The following DLG4 variants were observed in gnomAD, a reference collection of about 807,000 sequenced individuals.
DLG4 encodes the protein discs large MAGUK scaffold protein 4.
Under a neutral mutation model 93.8 loss-of-function variants are expected in DLG4, and 7 were observed. The observed-to-expected ratio is 0.07, with a 90% confidence interval of 0.04 to 0.14. The LOEUF (loss-of-function observed/expected upper bound fraction) is 0.14, where lower values mean the gene tolerates loss of function less well. DLG4 is among the 10% of genes least tolerant of loss of function. DLG4 has a pLI of 1.00. For missense variants in DLG4, 545 were observed against 992.9 expected (o/e 0.55, Z 6.06); for synonymous variants, 341 against 387.6 (o/e 0.88, Z 1.41).
intron 1 of DLG4, among the ~76,000 whole-genome samples, chr17:7,212,168 C>T (rs917653733): frequency 1.4e-5 from 2 of 141,276 alleles, no homozygotes; most frequent in African/African-American, 2.6e-5. Context: ...TCACAAGAAC[C>T]CCCAAGGGAT....
intron 1 of DLG4, among the ~76,000 whole-genome samples, chr17:7,216,478 C>A (rs79565147): frequency 0.017 from 2,604 of 152,302 alleles, 81 homozygotes; most frequent in African/African-American, 0.059. Flanking sequence ...CTCAGGTGAT[C>A]CCATGCCAGG....
chr17:7,187,308 G>GGGC lies in DLG4; in HGVS notation c.*3399_*3400insGCC, dbSNP rs1555599123. 1.3e-5 allele frequency among the ~76,000 whole-genome samples: 1 copy of GGGC among 75,018 alleles called. No individual in the cohort carries two copies. Among genetic ancestry groups the GGGC allele is most frequent in the Non-Finnish European group, 2.6e-5 (1 of 38,904 alleles). The allele number at this position is 75,018 out of a possible 152,430, so 49.2% of individuals were successfully genotyped here. The stretch of plus-strand genomic sequence containing the variant: ...TAATCCTAGCACTTTGGGAGGCCGA[G>GGGC]GGGGGGGGGGGTGGATCACCCGAGG... On this transcript the variant is annotated 3_prime_UTR_variant, in exon 20 of 20. Coordinates refer to ENST00000399506, the MANE Select transcript of DLG4 (RefSeq NM_001321075.3).
upstream of DLG4, chr17:7,219,320 C>T: frequency 1.1e-6 from 1 of 880,914 alleles, no homozygotes; most frequent in Non-Finnish European, 1.4e-6. Context: ...CTGGAAGGAA[C>T]AGAGGGCAAA....
intron 1 of DLG4, among the ~76,000 whole-genome samples, chr17:7,211,101 G>A (rs530554572): frequency 2.0e-5 from 3 of 147,332 alleles, no homozygotes; most frequent in African/African-American, 5.1e-5. Flanking sequence ...GTACATGTAG[G>A]GGGGCGGGGA....
intron 2 of DLG4, among the ~76,000 whole-genome samples, chr17:7,206,961 T>C (rs1439798330): frequency 6.6e-6 from 1 of 151,776 alleles, no homozygotes; most frequent in East Asian, 1.9e-4. Context: ...CCATCCTGTG[T>C]CCCCAGAAGA....
rs1161015122 is a variant in DLG4 at position 7,188,154 on chromosome 17, GCAGAC to G, written c.*2549_*2553del. 6.6e-6 allele frequency among the ~76,000 whole-genome samples: 1 copy of G among 151,818 alleles called. No homozygotes were observed. The highest frequency in any genetic ancestry group is 1.5e-5 in the Non-Finnish European group (1 of 67,992). ...AATCACCCGGGAGCTTTCCAGAAAT[GCAGAC>G]CCCTGGTCCCTATCCCCAGGATCCT... On this transcript the variant is annotated 3_prime_UTR_variant, in exon 20 of 20. Transcript: ENST00000399506.
chr17:7,199,595 G>A (rs1048554833), intron 8 of DLG4, among the ~76,000 whole-genome samples: 12 of 152,140 alleles, frequency 7.9e-5, no homozygotes, highest in African/African-American at 2.9e-4. Flanking sequence ...TGGATCCTGT[G>A]TCTTTGCTGA....
Position 7,193,209 on chromosome 17 carries a change from G to C in DLG4, c.1694-92C>G. ...TTCAATCAAATCCCCATAGTGCCCA[G>C]CTGGTCCTTTGGTGAAAGGGAGCTG... is the stretch of plus-strand genomic sequence containing the variant. On this transcript the variant is annotated intron_variant, in intron 16 of 19. Transcript: ENST00000399506. The surrounding 1 kb of genome is among the most constrained non-coding windows in gnomAD (Gnocchi z 6.7). 6.5e-7 allele frequency: 1 copy of C among 1,540,332 alleles called. No individual in the cohort carries two copies.
upstream of DLG4, chr17:7,219,866 C>T: frequency 6.5e-7 from 1 of 1,539,380 alleles, no homozygotes; most frequent in Non-Finnish European, 8.7e-7. Flanking sequence ...GGCCCGCAAC[C>T]GTCCGCCGCC....
chr17:7,197,183 G>T, intron 8 of DLG4, 131 bp from the exon 9 acceptor site: 1 of 844,876 alleles, frequency 1.2e-6, no homozygotes, highest in South Asian at 1.8e-5. Flanking sequence ...TGCCAGGGTG[G>T]GGTGGTAAGG....
chr17:7,199,351 C>T (rs1597460437), intron 8 of DLG4, among the ~76,000 whole-genome samples: 2 of 151,964 alleles, frequency 1.3e-5, no homozygotes, highest in African/African-American at 2.4e-5. Context: ...AGGCACCCAC[C>T]ACCACGCCTG....
At chr17:7,215,626 G>A (rs1008034786) in intron 1 of DLG4, among the ~76,000 whole-genome samples, 9 of 152,134 alleles carry the variant, frequency 5.9e-5, no homozygotes, top group Admixed American at 3.9e-4. Flanking sequence ...GAGAAAGCCC[G>A]AAACCCACAG....
In DLG4 at chr17:7,191,394, A is replaced by T; in HGVS notation, c.1977-36T>A. 1.3e-6 allele frequency: 2 copies of T among 1,528,714 alleles called. No homozygotes were observed. Among genetic ancestry groups the T allele is most frequent in the Non-Finnish European group, 1.8e-6 (2 of 1,103,224 alleles). The allele number at this position is 1,528,714 out of a possible 1,614,324, so 94.7% of individuals were successfully genotyped here. A position where few individuals can be genotyped will look rare whatever the true frequency, so the allele number is the denominator to read the frequency against. On this transcript the variant is annotated intron_variant, in intron 18 of 19. Coordinates refer to ENST00000399506, the MANE Select transcript of DLG4 (RefSeq NM_001321075.3). The surrounding 1 kb of genome is among the most constrained non-coding windows in gnomAD (Gnocchi z 6.6). ...GGAGGGAGAGCAGGCCTGAGACTGG[A>T]CCCACCTGACCCTGCCTTTTATCTC...
rs2070573333 is a variant in DLG4, at chr17:7,208,318, T to C, written c.31-79A>G. On this transcript the variant is annotated intron_variant, in intron 1 of 19. Coordinates refer to ENST00000399506, the MANE Select transcript of DLG4 (RefSeq NM_001321075.3). This position sits in a 1 kb window ranked among gnomAD's most constrained non-coding sequence, Gnocchi z 5.4. ...GGCTGGCCGCCCTGGCCGCCGCCTCTTCCCCCAGCCAGTGCAGTGCGGAAG... is the reference window on the plus strand; with the variant it reads ...GGCTGGCCGCCCTGGCCGCCGCCTCCTCCCCCAGCCAGTGCAGTGCGGAAG... 1.6e-6 allele frequency: 2 copies of C among 1,241,884 alleles called. No homozygotes were observed. The highest frequency in any genetic ancestry group is 2.1e-6 in the Non-Finnish European group (2 of 966,072). 76.9% of individuals were successfully genotyped at this position (1,241,884 alleles called of 1,614,324 possible).
At chr17:7,207,847 C>G (rs1220515657) in intron 2 of DLG4, among the ~76,000 whole-genome samples, 1 of 152,082 alleles carries the variant, frequency 6.6e-6, no homozygotes, top group Non-Finnish European at 1.5e-5. Flanking sequence ...TTAGGCTTTA[C>G]ATCCACTCCC....
At chr17:7,217,905 G>A (rs1003472016), upstream of DLG4, 43 of 1,323,498 alleles carry the variant, frequency 3.2e-5, no homozygotes, top group Admixed American at 2.0e-4. Flanking sequence ...GAGGCCTCTC[G>A]GCAGGCGGTA....
intron 2 of DLG4, among the ~76,000 whole-genome samples, chr17:7,206,890 C>T (rs912973427): frequency 6.6e-6 from 1 of 152,124 alleles, no homozygotes; most frequent in African/African-American, 2.4e-5. Context: ...CCTAGAATCC[C>T]CACCCTGACC....
Position 7,191,579 on chromosome 17 carries a change from G to A in DLG4, c.1977-221C>T, listed in dbSNP as rs1443913312. On this transcript the variant is annotated intron_variant, in intron 18 of 19. Transcript: ENST00000399506. The surrounding 1 kb of genome is among the most constrained non-coding windows in gnomAD (Gnocchi z 6.6). ...GTGTGGCTACTCCAGGGACATCTAC[G>A]GAGCTTCATCCTTCCAGCCTTCAGC... 5.0e-6 allele frequency: 3 copies of A among 598,320 alleles called. No individual in the cohort carries two copies. Among genetic ancestry groups the A allele is most frequent in the African/African-American group, 1.9e-5 (1 of 53,712 alleles). The allele number at this position is 598,320 out of a possible 1,614,324, so 37.1% of individuals were successfully genotyped here. A position where few individuals can be genotyped will look rare whatever the true frequency, so the allele number is the denominator to read the frequency against.
At position 7,213,323 on chromosome 17, in the gene DLG4, C is replaced by A. The variant is rs1408906622; in HGVS notation, c.30+3795G>T. On this transcript the variant is annotated intron_variant, in intron 1 of 19. Transcript: ENST00000399506. ...CCATGTTGGCCAGGCTGGTCTCGAA[C>A]TCGTGACCTCACATGATCCGCGCGC... Among the ~76,000 whole-genome samples the A allele has an allele frequency of 2.6e-5, 4 of 151,980 alleles. No homozygotes were observed. In the South Asian group the frequency reaches 6.2e-4, roughly 24 times the overall value.
Sources: gnomAD v4.1 joint callset for allele counts (sites outside exome capture counted in the v4.1 genomes callset) on GRCh38, gnomAD v4.1.1 for gene constraint, Gnocchi (gnomAD v3.1) non-coding constraint, MANE v1.5 for transcripts, NCBI Gene and HGNC (gene_info 2026-07-23, HGNC 2026-07-21) for gene names.